The following UGT1A9 variants were observed in gnomAD, a reference collection of about 807,000 sequenced individuals.
The protein encoded by UGT1A9 is UDP glucuronosyltransferase family 1 member A9.
UGT1A9 carries 35 observed loss-of-function variants against 45.0 expected under a neutral mutation model. The observed-to-expected ratio is 0.78, with a 90% CI of 0.59 to 1.03. UGT1A9 has a LOEUF of 1.03. Among genes scored for constraint, UGT1A9 ranks in the 50% least tolerant of loss-of-function variants. The pLI, the probability that UGT1A9 is intolerant of heterozygous loss-of-function variation, is 0.00. For missense variants in UGT1A9, 687 were observed against 666.6 expected (o/e 1.03, Z -0.34); for synonymous variants, 278 against 250.6 (o/e 1.11, Z -1.03).
chr2:233,713,208 A>G (rs528463880), intron 1 of UGT1A9: 3 of 1,614,188 alleles, frequency 1.9e-6, no homozygotes, highest in Non-Finnish European at 2.5e-6. Flanking sequence ...CAAAGAAGAG[A>G]ACTTTTTCAC....
chr2:233,707,235 A>T (rs2075951053), intron 1 of UGT1A9, among the ~76,000 whole-genome samples: 1 of 151,676 alleles, frequency 6.6e-6, no homozygotes, highest in Admixed American at 6.6e-5. Flanking sequence ...TGTGATGATT[A>T]TTTCTCTTGT....
At chr2:233,754,136 G>T (rs1695403547) in intron 1 of UGT1A9, among the ~76,000 whole-genome samples, 1 of 152,154 alleles carries the variant, frequency 6.6e-6, no homozygotes. Flanking sequence ...GCAATTAAAA[G>T]CCATCATTAA....
At chr2:233,700,536 A>T (rs2075571334) in intron 1 of UGT1A9, among the ~76,000 whole-genome samples, 1 of 152,216 alleles carries the variant, frequency 6.6e-6, no homozygotes, top group South Asian at 2.1e-4. Context: ...ACTCTAGGAG[A>T]ATGAGAATAA....
intron 1 of UGT1A9, among the ~76,000 whole-genome samples, chr2:233,694,785 T>TA (rs2075240916): frequency 1.3e-5 from 2 of 152,176 alleles, no homozygotes; most frequent in African/African-American, 4.8e-5. Context: ...GGGATGGGGA[T>TA]AACTGAAATG....
intron 1 of UGT1A9, among the ~76,000 whole-genome samples, chr2:233,765,992 C>T (rs1575816962): frequency 6.6e-6 from 1 of 152,236 alleles, no homozygotes; most frequent in Middle Eastern, 3.4e-3. Context: ...CCTGAAGCTC[C>T]AGTGGGCGTG....
chr2:233,744,692 A>G (rs1481135154), intron 1 of UGT1A9, among the ~76,000 whole-genome samples: 1 of 151,878 alleles, frequency 6.6e-6, no homozygotes, highest in African/African-American at 2.4e-5. Context: ...AGCTTCTGGA[A>G]AACTCCACTG....
chr2:233,691,177 G>C, intron 1 of UGT1A9: 1 of 985,670 alleles, frequency 1.0e-6, no homozygotes, highest in South Asian at 4.7e-5. Context: ...ATGTCTGCCT[G>C]CTCAAGAAGG....
rs886044684 is a variant in UGT1A9 at position 233,767,925 on chromosome 2, A to G, written c.1064A>G (p.Asn355Ser). The G allele has an allele frequency of 1.2e-6, 2 of 1,614,156 alleles. No homozygotes were observed. Among genetic ancestry groups the G allele is most frequent in the Non-Finnish European group, 1.7e-6 (2 of 1,180,038 alleles). The change falls in exon 3 of 5, where the codon AAC (asparagine) becomes AGC (serine). Residue 355 changes from asparagine (N) to serine (S), a missense_variant. Transcript: ENST00000354728. ...ATACTTGTTAAGTGGCTACCCCAAA[A>G]CGATCTGCTTGGTATGTTGGGCGGA... ...NTILVKWLPQ[N>S]DLLGHPMTRA...
At chr2:233,719,345 C>A in intron 1 of UGT1A9, 1 of 1,613,904 alleles carries the variant, frequency 6.2e-7, no homozygotes, top group Non-Finnish European at 8.5e-7. Context: ...TTTGGAGGTA[C>A]ATTCCATGTG....
intron 1 of UGT1A9, among the ~76,000 whole-genome samples, chr2:233,757,554 A>ATATATATATATATATATATATT (rs1696625820): frequency 7.9e-6 from 1 of 126,928 alleles, no homozygotes; most frequent in Non-Finnish European, 1.6e-5. Context: ...ATATATATAT[A>ATATATATATATATATATATATT]TATATATGTA....
Position 233,713,210 on chromosome 2 carries a change from C to A in UGT1A9, c.855+40421C>A, listed in dbSNP as rs17874940. On this transcript the variant is annotated intron_variant, in intron 1 of 4. Coordinates refer to ENST00000354728, the MANE Select transcript of UGT1A9 (RefSeq NM_021027.3). Reference sequence around the variant, plus strand: ...TGAATATGTACATCAAAGAAGAGAACTTTTTCACCCTGACAACGTATGCCA... The same window carrying A: ...TGAATATGTACATCAAAGAAGAGAAATTTTTCACCCTGACAACGTATGCCA... 29 of 1,614,238 alleles carry A rather than the reference C, an allele frequency of 1.8e-5. 1 individual carries two copies. Among genetic ancestry groups the A allele is most frequent in the Middle Eastern group, 3.3e-4 (2 of 6,062 alleles).
chr2:233,700,690 A>T (rs369604728), intron 1 of UGT1A9, among the ~76,000 whole-genome samples: 121 of 152,202 alleles, frequency 7.9e-4, no homozygotes, highest in African/African-American at 2.8e-3. Context: ...TAATATATAA[A>T]CTACACTTTG....
intron 1 of UGT1A9, among the ~76,000 whole-genome samples, chr2:233,703,091 G>A (rs1243332087): frequency 6.6e-6 from 1 of 152,122 alleles, no homozygotes; most frequent in Non-Finnish European, 1.5e-5. Context: ...TTTTCTTGCA[G>A]GAGGTTTTAA....
In UGT1A9 at chr2:233,769,619, C is replaced by T; in HGVS notation, c.1295+1180C>T. The T allele has an allele frequency of 6.2e-7, 1 of 1,612,516 alleles. No individual in the cohort carries two copies. Among genetic ancestry groups the T allele is most frequent in the African/African-American group, 1.3e-5 (1 of 75,052 alleles). ...GAACACGGGGACACACCAGCTTGAG[C>T]AAGGGACAACAGGGGAGGACTGATG... On this transcript the variant is annotated intron_variant, in intron 4 of 4. Transcript: ENST00000354728. The surrounding 1 kb of genome is among the most constrained non-coding windows in gnomAD (Gnocchi z 4.4).
intron 1 of UGT1A9, among the ~76,000 whole-genome samples, chr2:233,748,343 G>A (rs192012783): frequency 6.6e-5 from 10 of 151,870 alleles, no homozygotes; most frequent in African/African-American, 1.2e-4. Flanking sequence ...GAGACTGTTC[G>A]TTTGTAAAGG....
At chr2:233,690,077 A>T (rs2074974121) in intron 1 of UGT1A9, among the ~76,000 whole-genome samples, 1 of 152,214 alleles carries the variant, frequency 6.6e-6, no homozygotes, top group Non-Finnish European at 1.5e-5. Flanking sequence ...ACAGCCTATC[A>T]AATAGATTAA....
At chr2:233,722,133 T>C (rs1336404223) in intron 1 of UGT1A9, 2 of 172,564 alleles carry the variant, frequency 1.2e-5, no homozygotes, top group Non-Finnish European at 2.5e-5. Context: ...TAGTAGAGTT[T>C]AAGACTCCTG....
chr2:233,755,353 G>C (rs1323397761), intron 1 of UGT1A9: 2 of 385,742 alleles, frequency 5.2e-6, no homozygotes, highest in Non-Finnish European at 9.5e-6. Context: ...GAGGCTTGGC[G>C]ACCTGGGCCG....
At chr2:233,761,119 A>T in intron 1 of UGT1A9, 1 of 1,614,188 alleles carries the variant, frequency 6.2e-7, no homozygotes, top group African/African-American at 1.3e-5. Context: ...TGTTGGTGGA[A>T]TCAACTGCCT....
Sources: gnomAD v4.1 joint callset for allele counts (sites outside exome capture counted in the v4.1 genomes callset) on GRCh38, gnomAD v4.1.1 for gene constraint, Gnocchi (gnomAD v3.1) non-coding constraint, MANE v1.5 for transcripts, NCBI Gene and HGNC (gene_info 2026-07-23, HGNC 2026-07-21) for gene names.